The following DSCAM variants were observed in gnomAD, a reference collection of about 807,000 sequenced individuals.
The protein encoded by DSCAM is DS cell adhesion molecule, also known as cell adhesion molecule DSCAM.
Under a neutral mutation model 217.7 loss-of-function variants are expected in DSCAM, and 47 were observed. The observed-to-expected ratio is 0.22, with a 90% CI of 0.17 to 0.28. The LOEUF (loss-of-function observed/expected upper bound fraction) is 0.28. Among genes scored for constraint, DSCAM ranks in the 10% least tolerant of loss-of-function variants. DSCAM has a pLI of 1.00. For missense variants in DSCAM, 2,080 were observed against 2,618.3 expected (o/e 0.79, Z 4.49); for synonymous variants, 1,056 against 1,015.3 (o/e 1.04, Z -0.76).
intron 11 of DSCAM, among the ~76,000 whole-genome samples, chr21:40,207,777 G>A (rs183860190): frequency 5.3e-5 from 8 of 152,188 alleles, no homozygotes; most frequent in South Asian, 4.2e-4. Context: ...CTGGAGGCTC[G>A]AGGTCCAAGA....
chr21:40,552,108 G>A (rs576310502), intron 3 of DSCAM, among the ~76,000 whole-genome samples: 3 of 152,248 alleles, frequency 2.0e-5, no homozygotes, highest in Admixed American at 6.5e-5. Flanking sequence ...GAGGTCAGGG[G>A]TTCAAGACCA....
chr21:40,511,133 T>C (rs1321627814), intron 3 of DSCAM, among the ~76,000 whole-genome samples: 1 of 152,232 alleles, frequency 6.6e-6, no homozygotes, highest in East Asian at 1.9e-4. Context: ...TATTCATTTG[T>C]TTAATTCTCT....
intron 3 of DSCAM, among the ~76,000 whole-genome samples, chr21:40,688,999 A>G (rs1023396957): frequency 6.6e-6 from 1 of 152,210 alleles, no homozygotes; most frequent in African/African-American, 2.4e-5. Flanking sequence ...AAAGAAATCA[A>G]TGCAGGCCCT....
intron 11 of DSCAM, among the ~76,000 whole-genome samples, chr21:40,240,764 C>T (rs2073141732): frequency 6.6e-6 from 1 of 152,172 alleles, no homozygotes; most frequent in South Asian, 2.1e-4. Context: ...GACAGGCATG[C>T]ATGCCATTTG....
intron 3 of DSCAM, among the ~76,000 whole-genome samples, chr21:40,457,342 T>A (rs1417860702): frequency 6.6e-6 from 1 of 151,784 alleles, no homozygotes; most frequent in African/African-American, 2.4e-5. Context: ...TGAAACTCCA[T>A]CTCTACCAAA....
intron 3 of DSCAM, among the ~76,000 whole-genome samples, chr21:40,656,357 G>A (rs117608070): frequency 1.4e-4 from 22 of 152,126 alleles, no homozygotes; most frequent in Admixed American, 3.9e-4. Context: ...AATGTTCATC[G>A]CTTTTTGCAA....
intron 3 of DSCAM, among the ~76,000 whole-genome samples, chr21:40,519,489 C>G (rs1473549893): frequency 6.6e-6 from 1 of 152,130 alleles, no homozygotes. Context: ...AGAGAGACCC[C>G]TTGCCCCTTT....
chr21:40,514,204 TC>T (rs1251651015), intron 3 of DSCAM, among the ~76,000 whole-genome samples: 1 of 152,170 alleles, frequency 6.6e-6, no homozygotes, highest in Non-Finnish European at 1.5e-5. Flanking sequence ...TACTCCTTAT[TC>T]CCAAAGAAGT....
At chr21:40,113,633 C>G (rs1441848873) in intron 20 of DSCAM, among the ~76,000 whole-genome samples, 1 of 152,098 alleles carries the variant, frequency 6.6e-6, no homozygotes. Flanking sequence ...TCCCTGTTTG[C>G]AGATGACATG....
rs1420512920 is a variant in DSCAM, at chr21:40,187,080, T to TA, written c.2779+50dup. 4 of 1,603,434 alleles carry TA rather than the reference T, an allele frequency of 2.5e-6. No individual in the cohort carries two copies. The African/African-American group carries it at 4.0e-5, about 16-fold the overall frequency. ...TAAAACACATTAATAAGGAGAAAAATAAAAGAACTTTCTGAGGTGGAAGGG... is the reference window on the plus strand; with the variant it reads ...TAAAACACATTAATAAGGAGAAAAATAAAAAGAACTTTCTGAGGTGGAAGGG... On this transcript the variant is annotated intron_variant, in intron 14 of 32. Coordinates refer to ENST00000400454, the MANE Select transcript of DSCAM (RefSeq NM_001389.5).
intron 19 of DSCAM, among the ~76,000 whole-genome samples, chr21:40,130,774 T>C (rs2146684048): frequency 1.3e-5 from 2 of 152,316 alleles, no homozygotes; most frequent in Middle Eastern, 6.8e-3. Flanking sequence ...CACAGACTTG[T>C]CCTCTAAACA....
At chr21:40,613,105 G>A (rs989628648) in intron 3 of DSCAM, among the ~76,000 whole-genome samples, 2 of 152,162 alleles carry the variant, frequency 1.3e-5, no homozygotes, top group African/African-American at 4.8e-5. Flanking sequence ...GCCTCAGAAA[G>A]AATATTTGGG....
At chr21:40,549,146 C>G (rs1330540229) in intron 3 of DSCAM, among the ~76,000 whole-genome samples, 1 of 152,164 alleles carries the variant, frequency 6.6e-6, no homozygotes, top group African/African-American at 2.4e-5. Flanking sequence ...CGAGATTGCA[C>G]CATGGCACTT....
chr21:40,300,281 T>C (rs764408442), intron 9 of DSCAM, among the ~76,000 whole-genome samples: 29 of 152,308 alleles, frequency 1.9e-4, no homozygotes, highest in Non-Finnish European at 7.4e-5. Flanking sequence ...TCACCATCCA[T>C]TAAGGTCCTC....
chr21:40,766,182 TG>T (rs1349702234), intron 1 of DSCAM, among the ~76,000 whole-genome samples: 1 of 152,126 alleles, frequency 6.6e-6, no homozygotes, highest in Non-Finnish European at 1.5e-5. Context: ...AAATCTACGG[TG>T]GGAAAGCACT....
At chr21:40,273,859 C>A (rs1021870823) in intron 11 of DSCAM, among the ~76,000 whole-genome samples, 37 of 152,300 alleles carry the variant, frequency 2.4e-4, no homozygotes, top group African/African-American at 8.4e-4. Context: ...GATAAGGACA[C>A]TAATTCCATC....
chr21:40,477,167 G>A (rs1045866207), intron 3 of DSCAM, among the ~76,000 whole-genome samples: 7 of 152,044 alleles, frequency 4.6e-5, no homozygotes, highest in Non-Finnish European at 1.0e-4. Context: ...AAATATACCT[G>A]TTCAAACCTC....
intron 30 of DSCAM, among the ~76,000 whole-genome samples, chr21:40,047,516 A>G (rs2088860768): frequency 6.6e-6 from 1 of 152,206 alleles, no homozygotes. Flanking sequence ...ACCCTAATTA[A>G]GCTTCTGCCC....
rs538065056 is a variant in DSCAM, at chr21:40,072,555, A to G, written c.4888+2482T>C. 9.2e-5 allele frequency among the ~76,000 whole-genome samples: 14 copies of G among 151,974 alleles called. 1 individual carries two copies. The South Asian group carries it at 1.3e-3, about 14-fold the overall frequency. On this transcript the variant is annotated intron_variant, in intron 27 of 32. Coordinates refer to ENST00000400454, the MANE Select transcript of DSCAM (RefSeq NM_001389.5). ...AGTAGAGACGGGGTTTCACCATGTT[A>G]GCCAGGATGGTCTCGATCTCCTGAC...
Sources: gnomAD v4.1 joint callset for allele counts (sites outside exome capture counted in the v4.1 genomes callset) on GRCh38, gnomAD v4.1.1 for gene constraint, MANE v1.5 for transcripts, NCBI Gene and HGNC (gene_info 2026-07-23, HGNC 2026-07-21) for gene names.